Variants in AUTS2 observed in about 807,000 individuals in gnomAD.
AUTS2 encodes autism susceptibility gene 2 protein.
AUTS2 carries 17 observed loss-of-function variants against 112.4 expected under a neutral mutation model. The observed-to-expected ratio is 0.15, with a 90% CI of 0.10 to 0.23. The LOEUF is 0.23. AUTS2 is among the 10% of genes least tolerant of loss of function. The pLI, the probability that AUTS2 is intolerant of heterozygous loss-of-function variation, is 1.00. For synonymous variants in AUTS2, 751 were observed against 702.7 expected (o/e 1.07, Z -1.09); for missense variants, 1,510 against 1,701.6 (o/e 0.89, Z 1.98).
chr7:70,556,119 T>A (rs1366473190), intron 5 of AUTS2, among the ~76,000 whole-genome samples: 2 of 152,070 alleles, frequency 1.3e-5, no homozygotes, highest in East Asian at 3.9e-4. Flanking sequence ...AAGCTTCTAA[T>A]CATGGCAGAA....
At chr7:70,725,048 G>A (rs1328248349) in intron 6 of AUTS2, among the ~76,000 whole-genome samples, 1 of 152,150 alleles carries the variant, frequency 6.6e-6, no homozygotes, top group Admixed American at 6.5e-5. Context: ...AAGAACTATG[G>A]TACATTTATG....
intron 2 of AUTS2, among the ~76,000 whole-genome samples, chr7:69,965,779 A>G (rs975933073): frequency 1.3e-5 from 2 of 152,068 alleles, no homozygotes; most frequent in Non-Finnish European, 2.9e-5. Context: ...TGTGATCTGT[A>G]TCCTCACTTG....
At chr7:70,724,611 A>G (rs1786911913) in intron 6 of AUTS2, among the ~76,000 whole-genome samples, 1 of 151,466 alleles carries the variant, frequency 6.6e-6, no homozygotes, top group African/African-American at 2.4e-5. Context: ...ACGCCCGGCT[A>G]ATTTTTTTAT....
At chr7:69,640,103 T>C (rs1794734370) in intron 1 of AUTS2, among the ~76,000 whole-genome samples, 1 of 152,188 alleles carries the variant, frequency 6.6e-6, no homozygotes, top group South Asian at 2.1e-4. Flanking sequence ...TAAAAGTTTT[T>C]CCACATGATC....
At chr7:70,691,420 GAAAAAA>G (rs5884795) in intron 5 of AUTS2, among the ~76,000 whole-genome samples, 1 of 148,064 alleles carries the variant, frequency 6.8e-6, no homozygotes, top group African/African-American at 2.5e-5. Context: ...ATTTCTCAAG[GAAAAAA>G]AAAAAAAACA....
chr7:70,394,207 C>T (rs1793988647), intron 4 of AUTS2, among the ~76,000 whole-genome samples: 2 of 151,906 alleles, frequency 1.3e-5, no homozygotes, highest in African/African-American at 4.8e-5. Flanking sequence ...ACTTTTTTTT[C>T]CCCTACAGAT....
At chr7:70,687,704 G>A (rs1220841458) in intron 5 of AUTS2, among the ~76,000 whole-genome samples, 4 of 152,108 alleles carry the variant, frequency 2.6e-5, no homozygotes, top group Non-Finnish European at 2.9e-5. Flanking sequence ...ACAGCAGTAC[G>A]AGCATGAGCT....
intron 10 of AUTS2, 25 bp from the exon 11 acceptor site, chr7:70,771,524 T>TC (rs1418529804): frequency 9.5e-6 from 15 of 1,577,514 alleles, no homozygotes; most frequent in African/African-American, 9.4e-5. Flanking sequence ...AAATCTTTTT[T>TC]CCCCCTCTCC....
chr7:70,009,877 A>G (rs1030083673), intron 2 of AUTS2, among the ~76,000 whole-genome samples: 2 of 152,178 alleles, frequency 1.3e-5, no homozygotes, highest in Non-Finnish European at 2.9e-5. Flanking sequence ...GGTGAGTTCC[A>G]TCCTTTCTTT....
At position 70,535,420 on chromosome 7, in the gene AUTS2, ATATT is replaced by A. The variant is rs1384445096; in HGVS notation, c.690+99645_690+99648del. Among the ~76,000 whole-genome samples the A allele has an allele frequency of 2.0e-5, 3 of 151,744 alleles. No homozygotes were observed. The East Asian group carries it at 5.8e-4, about 29-fold the overall frequency. ...TTTATTTTTATTTATATTTATTTAT[ATATT>A]TATTTTTTGAGACGGAGTCTCACTC... On this transcript the variant is annotated intron_variant, in intron 5 of 18. Transcript: ENST00000342771.
At chr7:69,715,299 AAAG>A (rs1323389145) in intron 1 of AUTS2, among the ~76,000 whole-genome samples, 6 of 151,928 alleles carry the variant, frequency 3.9e-5, no homozygotes, top group African/African-American at 1.5e-4. Flanking sequence ...GCTGTGGTTG[AAAG>A]AAGAATTTTG....
intron 1 of AUTS2, among the ~76,000 whole-genome samples, chr7:69,821,125 C>G (rs1162005149): frequency 6.6e-6 from 1 of 152,022 alleles, no homozygotes; most frequent in Non-Finnish European, 1.5e-5. Context: ...AGATTCAGTG[C>G]CCAGTATGTA....
chr7:70,659,481 C>T (rs981916647), intron 5 of AUTS2, among the ~76,000 whole-genome samples: 1 of 152,186 alleles, frequency 6.6e-6, no homozygotes, highest in Non-Finnish European at 1.5e-5. Flanking sequence ...ACGGCTGTGT[C>T]ACTTCCTGGC....
chr7:69,976,848 T>C (rs1272669213), intron 2 of AUTS2, among the ~76,000 whole-genome samples: 1 of 152,188 alleles, frequency 6.6e-6, no homozygotes, highest in Non-Finnish European at 1.5e-5. Flanking sequence ...TAACCTTTTT[T>C]CGGGCATATG....
intron 1 of AUTS2, among the ~76,000 whole-genome samples, chr7:69,862,033 C>A (rs1352670515): frequency 6.6e-6 from 1 of 152,130 alleles, no homozygotes; most frequent in Non-Finnish European, 1.5e-5. Flanking sequence ...TGGTAATTCT[C>A]AATTTGGGGC....
chr7:70,509,141 C>G (rs2116746072), intron 5 of AUTS2, among the ~76,000 whole-genome samples: 1 of 152,332 alleles, frequency 6.6e-6, no homozygotes, highest in Non-Finnish European at 1.5e-5. Context: ...TTCTTCGCAG[C>G]AATAAGTGCC....
chr7:70,313,965 C>T (rs953372419), intron 4 of AUTS2, among the ~76,000 whole-genome samples: 18 of 152,196 alleles, frequency 1.2e-4, no homozygotes, highest in African/African-American at 4.1e-4. Flanking sequence ...GACTGCACCT[C>T]TTACATAGTA....
At chr7:70,136,822 G>A (rs1036597392) in intron 4 of AUTS2, among the ~76,000 whole-genome samples, 6 of 152,122 alleles carry the variant, frequency 3.9e-5, no homozygotes, top group African/African-American at 1.4e-4. Flanking sequence ...ATCTAGAACC[G>A]TTTTCTTGAA....
chr7:70,117,061 T>C (rs1018732758), intron 2 of AUTS2, among the ~76,000 whole-genome samples: 3 of 151,854 alleles, frequency 2.0e-5, no homozygotes, highest in Non-Finnish European at 4.4e-5. Flanking sequence ...GCTTGTTAAA[T>C]GTGTGGAAAC....
Sources: allele counts gnomAD v4.1 joint callset (sites outside exome capture counted in the v4.1 genomes callset), GRCh38; gene constraint gnomAD v4.1.1; transcripts MANE v1.5; gene names NCBI Gene and HGNC (gene_info 2026-07-23, HGNC 2026-07-21).